CCDC141: variants seen among roughly 807,000 people sequenced by gnomAD.
CCDC141 encodes the protein coiled-coil domain-containing protein 141.
Under a neutral mutation model 181.0 loss-of-function variants are expected in CCDC141, and 168 were observed. The observed-to-expected ratio is 0.93, with a 90% CI of 0.82 to 1.05. CCDC141 has a LOEUF of 1.05. Ranked by LOEUF, CCDC141 falls within the 50% of genes least tolerant of loss-of-function variation. The pLI, the probability that CCDC141 is intolerant of heterozygous loss-of-function variation, is 0.00. For missense variants in CCDC141, 1,902 were observed against 1,788.5 expected (o/e 1.06, Z -1.14); for synonymous variants, 666 against 642.3 (o/e 1.04, Z -0.56).
chr2:178,825,775 G>A (rs1684113513), downstream of CCDC141, among the ~76,000 whole-genome samples: 1 of 152,096 alleles, frequency 6.6e-6, no homozygotes, highest in African/African-American at 2.4e-5. Flanking sequence ...GGAGATGCCT[G>A]ATCACTGCAC....
chr2:178,857,214 G>T (rs1435364078), intron 17 of CCDC141, among the ~76,000 whole-genome samples: 4 of 151,942 alleles, frequency 2.6e-5, no homozygotes, highest in African/African-American at 9.7e-5. Flanking sequence ...ATTTATTAAG[G>T]CTCCAAAAAG....
At chr2:179,002,456 CA>C in intron 2 of CCDC141, 1 of 396,910 alleles carries the variant, frequency 2.5e-6, no homozygotes. Flanking sequence ...ACTTGGGGCC[CA>C]AAAGAGCTAG....
chr2:178,896,529 G>C (rs1364226713), intron 8 of CCDC141, among the ~76,000 whole-genome samples: 1 of 152,198 alleles, frequency 6.6e-6, no homozygotes, highest in Non-Finnish European at 1.5e-5. Flanking sequence ...AAACTTTGCA[G>C]AGAAGTTGGG....
chr2:178,872,534 G>A (rs1416078390), intron 12 of CCDC141, among the ~76,000 whole-genome samples: 2 of 152,156 alleles, frequency 1.3e-5, no homozygotes, highest in South Asian at 2.1e-4. Flanking sequence ...GACCCAAGGG[G>A]TGTTTGAATT....
At position 178,832,491 on chromosome 2, in the gene CCDC141, A is replaced by C. The variant is rs79196305; in HGVS notation, c.*1682T>G. ...AAAAAAAAAAAAAAAAAACAAAAAA[A>C]ACAAAAAAAAGATAGTTAAGAGAAA... On this transcript the variant is annotated 3_prime_UTR_variant, in exon 24 of 24. Coordinates refer to ENST00000443758, the MANE Select transcript of CCDC141 (RefSeq NM_173648.4). 1.5e-4 allele frequency: 22 copies of C among 151,062 alleles called. No homozygotes were observed. The highest frequency in any genetic ancestry group is 4.9e-4 in the African/African-American group (20 of 41,204). The allele number at this position is 151,062 out of a possible 1,614,324, so 9.4% of individuals were successfully genotyped here.
intron 7 of CCDC141, among the ~76,000 whole-genome samples, chr2:178,915,175 C>T (rs895542305): frequency 6.6e-6 from 1 of 150,590 alleles, no homozygotes; most frequent in South Asian, 2.1e-4. Flanking sequence ...TGTCCCCACC[C>T]CCTGAAAAAA....
chr2:179,016,539 C>T (rs566960816), intron 2 of CCDC141, among the ~76,000 whole-genome samples: 143 of 152,106 alleles, frequency 9.4e-4, no homozygotes, highest in African/African-American at 3.3e-3. Flanking sequence ...TTCACATAAG[C>T]TTCTAGAGTA....
intron 6 of CCDC141, among the ~76,000 whole-genome samples, chr2:178,930,509 A>C (rs1689062481): frequency 6.6e-6 from 1 of 152,130 alleles, no homozygotes; most frequent in Non-Finnish European, 1.5e-5. Context: ...AACAATCATG[A>C]TAAATAAGAA....
intron 2 of CCDC141, among the ~76,000 whole-genome samples, chr2:179,046,889 C>T (rs536181702): frequency 5.9e-5 from 9 of 152,230 alleles, no homozygotes; most frequent in South Asian, 4.1e-4. Context: ...AATAGTCCAA[C>T]GGGGGAAAAG....
chr2:179,022,870 G>T (rs145091274), intron 2 of CCDC141, among the ~76,000 whole-genome samples: 2 of 152,136 alleles, frequency 1.3e-5, no homozygotes, highest in Admixed American at 6.6e-5. Flanking sequence ...GCTATGTGAC[G>T]TGGTTCCTGC....
intron 5 of CCDC141, among the ~76,000 whole-genome samples, chr2:178,952,299 G>A (rs1487942487): frequency 6.6e-6 from 1 of 152,222 alleles, no homozygotes; most frequent in African/African-American, 2.4e-5. Flanking sequence ...AAAGTATGTA[G>A]TGACATGGTG....
At chr2:179,010,859 C>G (rs1429589706) in intron 2 of CCDC141, among the ~76,000 whole-genome samples, 1 of 152,114 alleles carries the variant, frequency 6.6e-6, no homozygotes, top group East Asian at 1.9e-4. Flanking sequence ...AAATGCTCCA[C>G]TTAAAAGATA....
chr2:178,885,869 A>C (rs1321438623), intron 10 of CCDC141, among the ~76,000 whole-genome samples: 1 of 152,170 alleles, frequency 6.6e-6, no homozygotes, highest in Non-Finnish European at 1.5e-5. Context: ...CAAGTACTAC[A>C]TTGAATGAAG....
At chr2:178,818,041 G>A in the CCDC141 span, among the ~76,000 whole-genome samples, 7,003 of 152,136 alleles carry the variant, frequency 0.046, 329 homozygotes, top group Admixed American at 0.14. Context: ...GACCTTAGGT[G>A]ATCCACTCCC....
chr2:178,868,863 T>G (rs1407747635), intron 15 of CCDC141, among the ~76,000 whole-genome samples: 1 of 152,086 alleles, frequency 6.6e-6, no homozygotes, highest in Non-Finnish European at 1.5e-5. Flanking sequence ...AAAGACAGAC[T>G]TGTCAAATAA....
chr2:179,015,352 T>C (rs1246768463), intron 2 of CCDC141, among the ~76,000 whole-genome samples: 3 of 141,560 alleles, frequency 2.1e-5, no homozygotes, highest in Admixed American at 7.4e-5. Flanking sequence ...ATATGTATCA[T>C]ACATATCCCA....
intron 7 of CCDC141, among the ~76,000 whole-genome samples, chr2:178,907,571 T>C (rs936653831): frequency 2.6e-5 from 4 of 152,242 alleles, no homozygotes; most frequent in Non-Finnish European, 4.4e-5. Context: ...ATTTCTCTTA[T>C]ACTATAGGAC....
chr2:178,877,062 C>G (rs1025548383), intron 12 of CCDC141: 1 of 152,050 alleles, frequency 6.6e-6, no homozygotes, highest in Non-Finnish European at 1.5e-5. Context: ...CTGTGTTGCA[C>G]CTGTAGTTCA....
intron 14 of CCDC141, among the ~76,000 whole-genome samples, chr2:178,870,911 T>G (rs1686087870): frequency 6.6e-6 from 1 of 152,134 alleles, no homozygotes; most frequent in Admixed American, 6.5e-5. Context: ...GGAACATGAC[T>G]CATGGTTTTA....
Sources: allele counts gnomAD v4.1 joint callset (sites outside exome capture counted in the v4.1 genomes callset), GRCh38; gene constraint gnomAD v4.1.1; transcripts MANE v1.5; gene names NCBI Gene and HGNC (gene_info 2026-07-23, HGNC 2026-07-21).